RYR2: variants seen among roughly 807,000 people sequenced by gnomAD.
RYR2 encodes cardiac muscle ryanodine receptor-calcium release channel.
RYR2 carries 227 observed loss-of-function variants against 601.1 expected under a neutral mutation model. The observed-to-expected ratio is 0.38, with a 90% CI of 0.34 to 0.42. RYR2 has a LOEUF of 0.42. Ranked by LOEUF, RYR2 falls within the 10% of genes least tolerant of loss-of-function variation. The probability of loss-of-function intolerance (pLI) is 1.00; values close to 1 mark genes in which losing one functional copy is unlikely to be tolerated. For synonymous variants in RYR2, 2,223 were observed against 2,175.1 expected (o/e 1.02, Z -0.61); for missense variants, 4,646 against 6,156.5 (o/e 0.75, Z 8.21).
At chr1:237,448,233 T>G (rs1297744994) in intron 14 of RYR2, among the ~76,000 whole-genome samples, 2 of 152,264 alleles carry the variant, frequency 1.3e-5, no homozygotes, top group East Asian at 3.9e-4. Context: ...GGCATTGATA[T>G]GTTTTCTTTC....
intron 1 of RYR2, among the ~76,000 whole-genome samples, chr1:237,117,396 T>G (rs2148623012): frequency 6.6e-6 from 1 of 152,216 alleles, no homozygotes. Flanking sequence ...AATGTCATGT[T>G]GTATACCATA....
At chr1:237,168,848 A>G (rs1436411202) in intron 1 of RYR2, among the ~76,000 whole-genome samples, 2 of 152,188 alleles carry the variant, frequency 1.3e-5, no homozygotes, top group Non-Finnish European at 2.9e-5. Flanking sequence ...ATTGACTTAA[A>G]TATACTAGGA....
intron 29 of RYR2, among the ~76,000 whole-genome samples, chr1:237,582,225 C>T (rs1053165516): frequency 6.6e-6 from 1 of 151,936 alleles, no homozygotes; most frequent in Non-Finnish European, 1.5e-5. Flanking sequence ...GCTTCAGCTT[C>T]CTGAGTAGCT....
chr1:237,089,667 A>G (rs1666745378), intron 1 of RYR2, among the ~76,000 whole-genome samples: 1 of 152,236 alleles, frequency 6.6e-6, no homozygotes, highest in Non-Finnish European at 1.5e-5. Context: ...ATGAAAAGGT[A>G]AATAGTCTAA....
chr1:237,168,243 A>G (rs565841017), intron 1 of RYR2, among the ~76,000 whole-genome samples: 55 of 152,082 alleles, frequency 3.6e-4, no homozygotes, highest in Non-Finnish European at 3.8e-4. Flanking sequence ...ATTCCTGGGC[A>G]TTAATCGTTA....
chr1:237,616,112 C>T (rs1266721520), intron 37 of RYR2, among the ~76,000 whole-genome samples: 1 of 151,998 alleles, frequency 6.6e-6, no homozygotes, highest in African/African-American at 2.4e-5. Context: ...AGACCATGCT[C>T]AGAGGAGGGT....
intron 79 of RYR2, among the ~76,000 whole-genome samples, chr1:237,736,325 G>A (rs186970322): frequency 2.9e-4 from 44 of 152,168 alleles, no homozygotes; most frequent in African/African-American, 1.1e-3. Flanking sequence ...GCCAGGCACG[G>A]TGGTGCACAC....
intron 1 of RYR2, among the ~76,000 whole-genome samples, chr1:237,165,324 A>G (rs1676580626): frequency 6.6e-6 from 1 of 152,206 alleles, no homozygotes; most frequent in Non-Finnish European, 1.5e-5. Context: ...CTTAAGTGTT[A>G]ATTAACAAGT....
At chr1:237,071,927 C>T (rs1020231566) in intron 1 of RYR2, among the ~76,000 whole-genome samples, 5 of 152,254 alleles carry the variant, frequency 3.3e-5, no homozygotes, top group African/African-American at 9.6e-5. Flanking sequence ...CGTGGGTATA[C>T]AGCTGGCCAG....
chr1:237,586,500 A>G (rs2805408), intron 29 of RYR2, among the ~76,000 whole-genome samples: 134,212 of 152,140 alleles, frequency 0.88, 61,599 homozygotes, highest in East Asian at 1. Context: ...CTTGCCAAAG[A>G]TCAAATAGCT....
chr1:237,193,685 G>A (rs932197272), intron 1 of RYR2, among the ~76,000 whole-genome samples: 1 of 152,148 alleles, frequency 6.6e-6, no homozygotes, highest in Admixed American at 6.5e-5. Context: ...TCTTTTTTAT[G>A]TAACTCACAT....
chr1:237,788,456 G>A (rs1247012199), intron 92 of RYR2, among the ~76,000 whole-genome samples: 1 of 152,218 alleles, frequency 6.6e-6, no homozygotes, highest in Admixed American at 6.5e-5. Flanking sequence ...CTAAGGACCT[G>A]CAACAGATTT....
chr1:237,572,451 A>G (rs1385003406), intron 29 of RYR2, among the ~76,000 whole-genome samples: 1 of 152,204 alleles, frequency 6.6e-6, no homozygotes, highest in South Asian at 2.1e-4. Context: ...ACACAGTCAC[A>G]TAGACCAATC....
At chr1:237,341,314 A>G (rs771718293) in intron 3 of RYR2, among the ~76,000 whole-genome samples, 3 of 152,196 alleles carry the variant, frequency 2.0e-5, no homozygotes, top group Non-Finnish European at 2.9e-5. Flanking sequence ...TGACTTAAAG[A>G]TATGTGGAAC....
intron 87 of RYR2, 132 bp from the exon 88 acceptor site, chr1:237,778,534 T>C: frequency 2.2e-6 from 1 of 464,240 alleles, no homozygotes; most frequent in Non-Finnish European, 3.9e-6. Flanking sequence ...CACTTTGAGT[T>C]CCTATCTTTT....
At chr1:237,565,221 TTCTTTTG>T (rs1485539399) in intron 27 of RYR2, among the ~76,000 whole-genome samples, 4 of 144,570 alleles carry the variant, frequency 2.8e-5, no homozygotes, top group South Asian at 2.2e-4. Flanking sequence ...CTTTCTTTCT[TTCTTTTG>T]TCTTTCTTTC....
At chr1:237,718,980 T>TTGGCTAGGCACAG (rs1689486732) in intron 73 of RYR2, among the ~76,000 whole-genome samples, 1 of 152,154 alleles carries the variant, frequency 6.6e-6, no homozygotes, top group Admixed American at 6.6e-5. Flanking sequence ...TAAGAAAATG[T>TTGGCTAGGCACAG]TGGCTAGGCA....
chr1:237,692,687 C>A (rs1384863636), intron 63 of RYR2, among the ~76,000 whole-genome samples: 1 of 152,172 alleles, frequency 6.6e-6, no homozygotes, highest in African/African-American at 2.4e-5. Flanking sequence ...GACCCTCACA[C>A]ATAATTACTC....
chr1:237,659,341 G>A, intron 54 of RYR2, among the ~76,000 whole-genome samples: 1 of 152,128 alleles, frequency 6.6e-6, no homozygotes, highest in East Asian at 1.9e-4. Context: ...TGATGGAGAG[G>A]AATATTACAG....
Sources: gnomAD v4.1 joint callset for allele counts (sites outside exome capture counted in the v4.1 genomes callset) on GRCh38, gnomAD v4.1.1 for gene constraint, MANE v1.5 for transcripts, NCBI Gene and HGNC (gene_info 2026-07-23, HGNC 2026-07-21) for gene names.